The following PADI3 variants were observed in gnomAD, a reference collection of about 807,000 sequenced individuals.
The protein encoded by PADI3 is protein-arginine deiminase type-3.
Under a neutral mutation model 71.5 loss-of-function variants are expected in PADI3, and 53 were observed. The ratio of observed to expected loss-of-function variants is 0.74; its 90% CI spans 0.59 to 0.93. PADI3 has a LOEUF of 0.93. PADI3 is among the 40% of genes least tolerant of loss of function. The pLI is 0.00. For synonymous variants in PADI3, 361 were observed against 347.5 expected (o/e 1.04, Z -0.43); for missense variants, 821 against 868.0 (o/e 0.95, Z 0.68).
chr1:17,257,051 A>G (rs1480446200), intron 1 of PADI3, among the ~76,000 whole-genome samples: 1 of 150,954 alleles, frequency 6.6e-6, no homozygotes, highest in Non-Finnish European at 1.5e-5. Flanking sequence ...AAAAAAAAAA[A>G]AAAAAAAAGG....
In PADI3 at chr1:17,262,309, C is replaced by G. The variant is rs2073112760; in HGVS notation, c.346+104C>G. 5.0e-6 allele frequency: 4 copies of G among 802,512 alleles called. No individual in the cohort carries two copies. The East Asian group carries it at 1.2e-4, about 24-fold the overall frequency. 49.7% of individuals were successfully genotyped at this position (802,512 alleles called of 1,614,324 possible). ...AAATTAAACCTCCTTCCCTCCAACT[C>G]AAGACTTCTAGTTCCCCAAACCCAG... is the stretch of plus-strand genomic sequence containing the variant. On this transcript the variant is annotated intron_variant, in intron 3 of 15. Coordinates refer to ENST00000375460, the MANE Select transcript of PADI3 (RefSeq NM_016233.2).
At chr1:17,275,190 C>G (rs2073311734) in intron 11 of PADI3, among the ~76,000 whole-genome samples, 2 of 151,814 alleles carry the variant, frequency 1.3e-5, no homozygotes, top group Non-Finnish European at 2.9e-5. Flanking sequence ...AATCCCAGCA[C>G]TTTGGGAGGC....
chr1:17,253,525 G>A (rs1051429658), intron 1 of PADI3, among the ~76,000 whole-genome samples: 1 of 152,198 alleles, frequency 6.6e-6, no homozygotes, highest in Non-Finnish European at 1.5e-5. Context: ...CTGGCAATGA[G>A]CCATGAAGCT....
intron 1 of PADI3, among the ~76,000 whole-genome samples, chr1:17,253,875 C>A (rs1453796690): frequency 6.6e-6 from 1 of 152,184 alleles, no homozygotes; most frequent in Admixed American, 6.5e-5. Flanking sequence ...TCAGTTTCCC[C>A]ATATGGACCC....
At chr1:17,258,806 G>A (rs1212230466) in intron 1 of PADI3, among the ~76,000 whole-genome samples, 17 of 152,228 alleles carry the variant, frequency 1.1e-4, no homozygotes, top group Admixed American at 1.1e-3. Context: ...AGAATTCAAG[G>A]ATATCTTCCC....
At chr1:17,253,415 G>A (rs1363439419) in intron 1 of PADI3, among the ~76,000 whole-genome samples, 2 of 152,176 alleles carry the variant, frequency 1.3e-5, no homozygotes, top group African/African-American at 4.8e-5. Context: ...CACAGCTCTC[G>A]CACCTCAGAA....
Position 17,259,697 on chromosome 1 carries a change from A to C in PADI3, c.212A>C (p.Asp71Ala). 1 of 1,613,514 alleles carries C rather than the reference A, an allele frequency of 6.2e-7. No individual in the cohort carries two copies. Among genetic ancestry groups the C allele is most frequent in the Non-Finnish European group, 8.5e-7 (1 of 1,179,586 alleles). ...GCAGACACCAGGCGGTGGCGCTTTG[A>C]CGCGACTTTGGAGATCATCGTGGTC... The part of the protein sequence containing the change: ...ERADTRRWRF[D>A]ATLEIIVVMN... The change falls in exon 2 of 16, where the codon GAC becomes GCC. Residue 71 changes from aspartate (D) to alanine (A), a missense_variant. Transcript: ENST00000375460.
chr1:17,271,744 A>G (rs1385295852), intron 9 of PADI3, among the ~76,000 whole-genome samples: 1 of 146,536 alleles, frequency 6.8e-6, no homozygotes, highest in East Asian at 2.2e-4. Flanking sequence ...GCTACTCTGG[A>G]GGCTGAGGTC....
chr1:17,262,186 G>T lies in PADI3; in HGVS notation c.327G>T (p.Val109=). The T allele has an allele frequency of 6.2e-7, 1 of 1,611,744 alleles. No individual in the cohort carries two copies. Among genetic ancestry groups the T allele is most frequent in the Non-Finnish European group, 8.5e-7 (1 of 1,179,364 alleles). The change falls in exon 3 of 16, where the codon GTG becomes GTT. Residue 109 remains valine, a synonymous_variant. Coordinates refer to ENST00000375460, the MANE Select transcript of PADI3 (RefSeq NM_016233.2). The part of the protein sequence containing the change: ...SHEPLPLAYA[V]LYLTCVDISL... ...AGCCTCTGCCCCTGGCCTATGCGGT[G>T]CTCTACCTCACCTGTGTTGGTAAGT...
chr1:17,280,865 T>C, intron 15 of PADI3, 69 bp downstream of exon 15: 1 of 1,574,754 alleles, frequency 6.4e-7, no homozygotes, highest in Non-Finnish European at 8.7e-7. Context: ...AGAGGAAAAA[T>C]GTCTGGTCAC....
chr1:17,281,459 T>TA (rs1292600587), intron 15 of PADI3, among the ~76,000 whole-genome samples: 1 of 150,842 alleles, frequency 6.6e-6, no homozygotes, highest in African/African-American at 2.4e-5. Context: ...TCTTTTTTTT[T>TA]TTTTGAGACG....
In PADI3 at chr1:17,276,670, A is replaced by G; in HGVS notation, c.1452+7A>G. On this transcript the variant is annotated splice_region_variant and intron_variant, in intron 12 of 15. Coordinates refer to ENST00000375460, the MANE Select transcript of PADI3 (RefSeq NM_016233.2). ...CCCTGCCCCCGATGGGAAGGTAAGA[A>G]CTTCGTGCATGACGTGTCTTTCCCT... The G allele has an allele frequency of 6.2e-7, 1 of 1,613,948 alleles. No individual in the cohort carries two copies. Among genetic ancestry groups the G allele is most frequent in the Non-Finnish European group, 8.5e-7 (1 of 1,179,986 alleles).
Position 17,279,620 on chromosome 1 carries a change from C to T in PADI3, c.1556-730C>T, listed in dbSNP as rs561474385. Among the ~76,000 whole-genome samples the T allele has an allele frequency of 3.9e-5, 6 of 152,304 alleles. No homozygotes were observed. The South Asian group carries it at 1.2e-3, about 32-fold the overall frequency. The stretch of plus-strand genomic sequence containing the variant: ...CCTACCTGTGTGACCTTTGGCAAGT[C>T]TTCTGACCTCTCTGAGCCTCAGTTT... On this transcript the variant is annotated intron_variant, in intron 13 of 15. Transcript: ENST00000375460.
chr1:17,270,922 G>C lies in PADI3; in HGVS notation c.875G>C (p.Arg292Pro), dbSNP rs568276808. ...SPIFTDTVVFRVAPWIMTPST... is the reference protein window; with the variant it reads ...SPIFTDTVVFPVAPWIMTPST... ...ATCTTCACTGACACTGTGGTGTTCC[G>C]AGTGGCACCCTGGATCATGACGCCC... Residue 292 changes from arginine to proline, a missense_variant, in exon 8 of 16, where the codon CGA becomes CCA. Arg to Pro is a moderately radical substitution (Grantham distance 103, BLOSUM62 -2). Coordinates refer to ENST00000375460, the MANE Select transcript of PADI3 (RefSeq NM_016233.2). 52 of 1,613,892 alleles carry C rather than the reference G, an allele frequency of 3.2e-5. No homozygotes were observed. Among genetic ancestry groups the C allele is most frequent in the Non-Finnish European group, 4.4e-5 (52 of 1,180,002 alleles).
chr1:17,282,941 C>G lies in PADI3; in HGVS notation c.1857C>G (p.Ser619=). 6.2e-7 allele frequency: 1 copy of G among 1,614,174 alleles called. No individual in the cohort carries two copies. Among genetic ancestry groups the G allele is most frequent in the Non-Finnish European group, 8.5e-7 (1 of 1,180,008 alleles). The change falls in exon 16 of 16, where the codon TCC becomes TCG. Residue 619 remains serine, a synonymous_variant. Coordinates refer to ENST00000375460, the MANE Select transcript of PADI3 (RefSeq NM_016233.2). The stretch of plus-strand genomic sequence containing the variant: ...GCTGCCTGGAGGAGAAGGTGCGGTC[C>G]CTGCTGGAGCCGCTGGGCCTCCACT... ...GCCCLEEKVR[S]LLEPLGLHCT...
chr1:17,249,411 A>G (rs534386434), intron 1 of PADI3, among the ~76,000 whole-genome samples, 182 bp downstream of exon 1: 1 of 152,224 alleles, frequency 6.6e-6, no homozygotes, highest in South Asian at 2.1e-4. Flanking sequence ...GACCTTAGCC[A>G]GGGAATTTGA....
chr1:17,268,886 C>CTTTTT (rs34487635), intron 6 of PADI3, among the ~76,000 whole-genome samples: 2 of 132,600 alleles, frequency 1.5e-5, no homozygotes, highest in African/African-American at 5.6e-5. Flanking sequence ...CTAAATCTGA[C>CTTTTT]TTTTTTTTTT....
At chr1:17,263,258 T>TG (rs1394880380) in intron 3 of PADI3, among the ~76,000 whole-genome samples, 4 of 152,180 alleles carry the variant, frequency 2.6e-5, no homozygotes, top group Non-Finnish European at 5.9e-5. Context: ...GATCCTAAAA[T>TG]TTGTATGGAA....
intron 5 of PADI3, 76 bp downstream of exon 5, chr1:17,266,912 G>A (rs555982951): frequency 8.9e-7 from 1 of 1,129,754 alleles, no homozygotes; most frequent in South Asian, 1.3e-5. Flanking sequence ...CCAACCCACA[G>A]GCGAGACTCT....
Sources: gnomAD v4.1 joint callset for allele counts (sites outside exome capture counted in the v4.1 genomes callset) on GRCh38, gnomAD v4.1.1 for gene constraint, MANE v1.5 for transcripts, NCBI Gene and HGNC (gene_info 2026-07-23, HGNC 2026-07-21) for gene names.